The following RALGPS2 variants were observed in gnomAD, a reference collection of about 807,000 sequenced individuals.
RALGPS2 encodes the protein ras-specific guanine nucleotide-releasing factor RalGPS2.
In RALGPS2, 43 loss-of-function variants were observed where a neutral mutation model predicts 86.8. The observed-to-expected ratio is 0.50, with a 90% CI of 0.39 to 0.64. The LOEUF (loss-of-function observed/expected upper bound fraction) is 0.64. Ranked by LOEUF, RALGPS2 falls within the 30% of genes least tolerant of loss-of-function variation. The pLI is 0.00. For missense variants in RALGPS2, 536 were observed against 694.6 expected, an observed-to-expected ratio of 0.77 and a Z score of 2.57; for synonymous variants, 243 against 231.3, an observed-to-expected ratio of 1.05 and a Z score of -0.46.
intron 1 of RALGPS2, chr1:178,747,011 C>CT: frequency 1.1e-6 from 1 of 914,318 alleles, no homozygotes; most frequent in Non-Finnish European, 1.8e-6. Flanking sequence ...TCTCCCTTTA[C>CT]ACATTTTGCT....
chr1:178,883,866 A>G (rs976329166), intron 11 of RALGPS2, among the ~76,000 whole-genome samples: 4 of 151,902 alleles, frequency 2.6e-5, no homozygotes, highest in African/African-American at 7.3e-5. Flanking sequence ...GCGGGCACCT[A>G]TAGTCCCAGC....
Position 178,776,801 on chromosome 1 carries a change from A to G in RALGPS2, c.37A>G (p.Ile13Val), listed in dbSNP as rs1176520075. 6.2e-7 allele frequency: 1 copy of G among 1,613,176 alleles called. No homozygotes were observed. Among genetic ancestry groups the G allele is most frequent in the East Asian group, 2.2e-5 (1 of 44,816 alleles). The part of the protein sequence containing the change: ...LMNGQASSVN[I>V]AATASEKSSS... ...GAACGGGCAGGCAAGCAGTGTCAAT[A>G]TTGCAGCTACTGCTTCTGAGGTAAG... Residue 13 changes from isoleucine (I) to valine (V), a missense_variant, in exon 2 of 20, where the codon ATT (isoleucine) becomes GTT (valine). Physicochemically the swap from Ile to Val is conservative, Grantham distance 29. Coordinates refer to ENST00000367635, the MANE Select transcript of RALGPS2 (RefSeq NM_152663.5).
intron 1 of RALGPS2, chr1:178,725,666 C>T (rs903330899): frequency 6.6e-6 from 1 of 152,034 alleles, no homozygotes; most frequent in Non-Finnish European, 1.5e-5. Flanking sequence ...TCGGAGCGGC[C>T]GTGGGGTCCC....
rs76993427 is a variant in RALGPS2 at position 178,873,667 on chromosome 1, C to T, written c.608-3831C>T. Among the ~76,000 whole-genome samples the T allele has an allele frequency of 6.1e-3, 927 of 152,214 alleles. 11 individuals are homozygous for T. Among genetic ancestry groups the T allele is most frequent in the African/African-American group, 0.021 (886 of 41,542 alleles). ...GAGATGTGTATAAGAATGTCTATAGCAACATGGTTGGGGGTGGGATGGGAG... is the reference window on the plus strand; with the variant it reads ...GAGATGTGTATAAGAATGTCTATAGTAACATGGTTGGGGGTGGGATGGGAG... On this transcript the variant is annotated intron_variant, in intron 8 of 19. Coordinates refer to ENST00000367635, the MANE Select transcript of RALGPS2 (RefSeq NM_152663.5).
intron 4 of RALGPS2, among the ~76,000 whole-genome samples, chr1:178,799,195 A>T (rs1293202247): frequency 6.6e-6 from 1 of 152,102 alleles, no homozygotes; most frequent in African/African-American, 2.4e-5. Context: ...ACATGCCACC[A>T]TGCCTGGCTA....
intron 6 of RALGPS2, among the ~76,000 whole-genome samples, chr1:178,813,213 G>A (rs1382656466): frequency 3.9e-5 from 6 of 152,102 alleles, no homozygotes; most frequent in Middle Eastern, 3.2e-3. Context: ...GATTATAGGC[G>A]TGAGCCACTG....
At chr1:178,871,310 A>T (rs972081062) in intron 8 of RALGPS2, among the ~76,000 whole-genome samples, 1 of 152,132 alleles carries the variant, frequency 6.6e-6, no homozygotes, top group Non-Finnish European at 1.5e-5. Context: ...TCAGCGGGCA[A>T]TTATAAAACA....
chr1:178,737,391 G>C (rs555075766), intron 1 of RALGPS2, among the ~76,000 whole-genome samples: 189 of 152,150 alleles, frequency 1.2e-3, no homozygotes, highest in African/African-American at 4.3e-3. Context: ...GATTACAGGC[G>C]CCTGCCACCA....
chr1:178,818,089 G>GGTGGCTCACGCCTGTAATCCTAGCA (rs1655321543), intron 6 of RALGPS2, among the ~76,000 whole-genome samples: 1 of 152,172 alleles, frequency 6.6e-6, no homozygotes, highest in South Asian at 2.1e-4. Context: ...GGCTGGGCAT[G>GGTGGCTCACGCCTGTAATCCTAGCA]GTGGCTCACG....
intron 8 of RALGPS2, among the ~76,000 whole-genome samples, chr1:178,860,887 C>T (rs994250754): frequency 6.6e-6 from 1 of 152,174 alleles, no homozygotes; most frequent in Admixed American, 6.5e-5. Flanking sequence ...AGCACCTAAA[C>T]AGCCTGAGAC....
chr1:178,877,495 C>T lies in RALGPS2; in HGVS notation c.608-3C>T, dbSNP rs1659053977. ...AACGTTCATTTATCTAATTGTATTT[C>T]AGGTATCTATTTGTCAGATTTAACA... On this transcript the variant is annotated splice_polypyrimidine_tract_variant and splice_region_variant and intron_variant, in intron 8 of 19. Coordinates refer to ENST00000367635, the MANE Select transcript of RALGPS2 (RefSeq NM_152663.5). 4 of 1,612,654 alleles carry T rather than the reference C, an allele frequency of 2.5e-6. No individual in the cohort carries two copies. In the East Asian group the frequency reaches 8.9e-5, roughly 36 times the overall value.
At chr1:178,811,252 T>C in intron 5 of RALGPS2, 63 bp from the exon 6 acceptor site, 1 of 1,333,290 alleles carries the variant, frequency 7.5e-7, no homozygotes, top group Non-Finnish European at 1.0e-6. Context: ...TTTTTTAAAA[T>C]ACAGCAAAAA....
intron 8 of RALGPS2, among the ~76,000 whole-genome samples, chr1:178,841,434 T>G: frequency 7.3e-6 from 1 of 137,680 alleles, no homozygotes; most frequent in East Asian, 2.1e-4. Context: ...GAAAAAGCCT[T>G]TGACAAAATT....
At chr1:178,742,829 A>G (rs1651108689) in intron 1 of RALGPS2, among the ~76,000 whole-genome samples, 1 of 152,256 alleles carries the variant, frequency 6.6e-6, no homozygotes, top group Admixed American at 6.5e-5. Flanking sequence ...TGGAAACTAA[A>G]CAACACAATT....
At chr1:178,744,733 C>G (rs577647170) in intron 1 of RALGPS2, among the ~76,000 whole-genome samples, 56 of 148,250 alleles carry the variant, frequency 3.8e-4, no homozygotes, top group Non-Finnish European at 8.0e-4. Context: ...AGGAGGATCA[C>G]TTGAAACTGG....
At chr1:178,837,994 A>T (rs1656368668) in intron 8 of RALGPS2, among the ~76,000 whole-genome samples, 1 of 152,178 alleles carries the variant, frequency 6.6e-6, no homozygotes, top group East Asian at 1.9e-4. Flanking sequence ...GGCATCCGCC[A>T]TTGCTGAGGC....
At chr1:178,900,179 TG>T (rs1035858817) in intron 17 of RALGPS2, among the ~76,000 whole-genome samples, 10 of 151,960 alleles carry the variant, frequency 6.6e-5, no homozygotes, top group Admixed American at 4.6e-4. Context: ...AATAAAAAGC[TG>T]GAGGAGAAAA....
At chr1:178,766,423 T>C (rs1652512023) in intron 1 of RALGPS2, among the ~76,000 whole-genome samples, 1 of 151,848 alleles carries the variant, frequency 6.6e-6, no homozygotes, top group Admixed American at 6.6e-5. Flanking sequence ...GAGATGGGGT[T>C]TTGCTGTGTT....
intron 15 of RALGPS2, 73 bp downstream of exon 15, chr1:178,892,380 C>T (rs541531722): frequency 8.1e-7 from 1 of 1,238,456 alleles, no homozygotes; most frequent in Non-Finnish European, 1.2e-6. Context: ...TGGGTGTGGT[C>T]TGACGTTATT....
Sources: gnomAD v4.1 joint callset for allele counts (sites outside exome capture counted in the v4.1 genomes callset) on GRCh38, gnomAD v4.1.1 for gene constraint, MANE v1.5 for transcripts, NCBI Gene and HGNC (gene_info 2026-07-23, HGNC 2026-07-21) for gene names.